PDE3A: variants seen among roughly 807,000 people sequenced by gnomAD.
The protein encoded by PDE3A is phosphodiesterase 3A, also known as cGMP-inhibited 3',5'-cyclic phosphodiesterase 3A.
In PDE3A, 43 loss-of-function variants were observed where a neutral mutation model predicts 98.3. The ratio of observed to expected loss-of-function variants is 0.44; its 90% CI spans 0.34 to 0.56. The LOEUF (loss-of-function observed/expected upper bound fraction) is 0.56, where lower values mean the gene tolerates loss of function less well. Ranked by LOEUF, PDE3A falls within the 20% of genes least tolerant of loss-of-function variation. The pLI is 0.01. For synonymous variants in PDE3A, 663 were observed against 567.9 expected (o/e 1.17, Z -2.38); for missense variants, 1,427 against 1,440.7 (o/e 0.99, Z 0.15).
intron 1 of PDE3A, among the ~76,000 whole-genome samples, chr12:20,549,696 A>G (rs914807735): frequency 6.6e-6 from 1 of 152,096 alleles, no homozygotes; most frequent in African/African-American, 2.4e-5. Flanking sequence ...ATACTACCAC[A>G]TTCTTGGTCA....
At chr12:20,401,673 G>C (rs1390631116) in intron 1 of PDE3A, among the ~76,000 whole-genome samples, 1 of 152,054 alleles carries the variant, frequency 6.6e-6, no homozygotes, top group Non-Finnish European at 1.5e-5. Context: ...GATCATCCCC[G>C]TTGGAAGCTC....
At chr12:20,380,619 T>A (rs1943647211) in intron 1 of PDE3A, among the ~76,000 whole-genome samples, 1 of 151,778 alleles carries the variant, frequency 6.6e-6, no homozygotes, top group African/African-American at 2.4e-5. Context: ...TTAGATGAAC[T>A]AGGAATACAA....
intron 15 of PDE3A, among the ~76,000 whole-genome samples, chr12:20,677,829 G>C (rs1592178512): frequency 6.6e-6 from 1 of 152,232 alleles, no homozygotes; most frequent in East Asian, 1.9e-4. Context: ...TTTTGATTTT[G>C]GGTGCAGGCA....
intron 2 of PDE3A, among the ~76,000 whole-genome samples, chr12:20,590,952 A>G (rs528399131): frequency 2.5e-4 from 38 of 152,306 alleles, no homozygotes; most frequent in Middle Eastern, 3.4e-3. Flanking sequence ...CTCCCTGTCC[A>G]CTTCGAAAGT....
intron 15 of PDE3A, among the ~76,000 whole-genome samples, chr12:20,671,631 CT>C (rs1350316025): frequency 6.6e-6 from 1 of 150,628 alleles, no homozygotes; most frequent in Non-Finnish European, 1.5e-5. Flanking sequence ...CAGAAAAAGC[CT>C]TTGACAAAAT....
chr12:20,377,163 A>G (rs1899908), intron 1 of PDE3A, among the ~76,000 whole-genome samples: 33,888 of 151,508 alleles, frequency 0.22, 4,207 homozygotes, highest in East Asian at 0.52. Flanking sequence ...CTTTGGTTGT[A>G]TCAATTTAGT....
Position 20,615,153 on chromosome 12 carries a change from C to T in PDE3A, c.1270-1077C>T, listed in dbSNP as rs550188105. Among the ~76,000 whole-genome samples the T allele has an allele frequency of 2.0e-3, 296 of 151,602 alleles. 1 individual carries two copies. The Middle Eastern group carries it at 0.021, about 11-fold the overall frequency. On this transcript the variant is annotated intron_variant, in intron 3 of 15. Coordinates refer to ENST00000359062, the MANE Select transcript of PDE3A (RefSeq NM_000921.5). The stretch of plus-strand genomic sequence containing the variant: ...TCGTGACCTCAAGTGATCCACCCGC[C>T]TTGGCCTCCCAAAGTGTTGGAATTA...
At chr12:20,640,576 C>T (rs1461388781) in intron 10 of PDE3A, among the ~76,000 whole-genome samples, 1 of 151,964 alleles carries the variant, frequency 6.6e-6, no homozygotes, top group East Asian at 1.9e-4. Context: ...TGGAAAGACC[C>T]AAGGAAAACA....
At chr12:20,445,765 T>C (rs1219595049) in intron 1 of PDE3A, among the ~76,000 whole-genome samples, 1 of 152,206 alleles carries the variant, frequency 6.6e-6, no homozygotes, top group Non-Finnish European at 1.5e-5. Flanking sequence ...ACTTGGAATA[T>C]AGAGCCATTG....
Position 20,571,358 on chromosome 12 carries a change from C to T in PDE3A, c.1011+14648C>T, listed in dbSNP as rs567640987. ...GTCTCTCTTCTCACAGCCTCTGGCA[C>T]CACAGCAATAATATTGTAAACTCTA... On this transcript the variant is annotated intron_variant, in intron 2 of 15. Coordinates refer to ENST00000359062, the MANE Select transcript of PDE3A (RefSeq NM_000921.5). Among the ~76,000 whole-genome samples the T allele has an allele frequency of 5.9e-5, 9 of 152,230 alleles. No homozygotes were observed. The South Asian group carries it at 1.9e-3, about 32-fold the overall frequency.
At chr12:20,432,036 G>A (rs1944706871) in intron 1 of PDE3A, among the ~76,000 whole-genome samples, 1 of 152,146 alleles carries the variant, frequency 6.6e-6, no homozygotes, top group Non-Finnish European at 1.5e-5. Context: ...GCAAAGAGCA[G>A]TGATAATGTG....
chr12:20,370,305 A>G (rs1168986624), intron 1 of PDE3A, 61 bp downstream of exon 1: 6 of 1,421,692 alleles, frequency 4.2e-6, no homozygotes, highest in East Asian at 2.3e-5. Context: ...CAACCGGCGC[A>G]GAGTGGAGAG....
intron 1 of PDE3A, among the ~76,000 whole-genome samples, chr12:20,479,879 C>T (rs191499424): frequency 5.1e-4 from 78 of 152,238 alleles, no homozygotes; most frequent in Admixed American, 5.0e-3. Context: ...TATAGCAAAG[C>T]AATTGGAAGG....
intron 1 of PDE3A, among the ~76,000 whole-genome samples, chr12:20,485,153 G>A (rs1363701968): frequency 3.9e-5 from 6 of 152,112 alleles, no homozygotes; most frequent in African/African-American, 9.7e-5. Flanking sequence ...GCTGCAAGTC[G>A]AAGATCAAGG....
chr12:20,375,041 A>G (rs560898357), intron 1 of PDE3A, among the ~76,000 whole-genome samples: 204 of 152,086 alleles, frequency 1.3e-3, no homozygotes, highest in Non-Finnish European at 2.2e-3. Context: ...TAGCTGCCAT[A>G]TGTCTCCTCT....
intron 1 of PDE3A, among the ~76,000 whole-genome samples, chr12:20,445,703 G>A (rs1017906983): frequency 4.6e-5 from 7 of 152,096 alleles, no homozygotes; most frequent in South Asian, 2.1e-4. Context: ...CATAAATGCC[G>A]CCCTCACTGT....
chr12:20,450,396 G>A (rs1945043026), intron 1 of PDE3A, among the ~76,000 whole-genome samples: 1 of 152,140 alleles, frequency 6.6e-6, no homozygotes, highest in Non-Finnish European at 1.5e-5. Flanking sequence ...AAGAGACAGT[G>A]CCATATTCTT....
Position 20,444,414 on chromosome 12 carries a change from C to T in PDE3A, c.960+74170C>T, listed in dbSNP as rs570280678. Among the ~76,000 whole-genome samples, 4 of 152,246 alleles carry T rather than the reference C, an allele frequency of 2.6e-5. No individual in the cohort carries two copies. In the South Asian group the frequency reaches 8.3e-4, roughly 32 times the overall value. ...TTAAACCCATAAACCCATTCAAAAA[C>T]CAAAACCAAACCAAATAAAATGAAT... On this transcript the variant is annotated intron_variant, in intron 1 of 15. Transcript: ENST00000359062.
rs1334682286 is a variant in PDE3A, at chr12:20,665,033, C to A, written c.3184+10828C>A. Among the ~76,000 whole-genome samples the A allele has an allele frequency of 2.0e-5, 3 of 152,156 alleles. No homozygotes were observed. In the East Asian group the frequency reaches 5.8e-4, roughly 29 times the overall value. ...TATCTCATATTTATTGACTTTTCTT[C>A]ATTTTCATTACCCCTGTCCTAATCC... On this transcript the variant is annotated intron_variant, in intron 15 of 15. Coordinates refer to ENST00000359062, the MANE Select transcript of PDE3A (RefSeq NM_000921.5).
Sources: allele counts gnomAD v4.1 joint callset (sites outside exome capture counted in the v4.1 genomes callset), GRCh38; gene constraint gnomAD v4.1.1; transcripts MANE v1.5; gene names NCBI Gene and HGNC (gene_info 2026-07-23, HGNC 2026-07-21).